PPM1H: variants seen among roughly 807,000 people sequenced by gnomAD.
The protein encoded by PPM1H is protein phosphatase, Mg2+/Mn2+ dependent 1H.
A neutral mutation model predicts 54.9 loss-of-function variants in PPM1H; 27 were observed. That is an observed-to-expected ratio of 0.49 (90% confidence interval 0.36 to 0.68). The LOEUF is 0.68. Among genes scored for constraint, PPM1H ranks in the 30% least tolerant of loss-of-function variants. The pLI is 0.00. For missense variants in PPM1H, 596 were observed against 667.8 expected, an observed-to-expected ratio of 0.89 and a Z score of 1.19; for synonymous variants, 305 against 270.8, an observed-to-expected ratio of 1.13 and a Z score of -1.24.
intron 1 of PPM1H, among the ~76,000 whole-genome samples, chr12:62,932,628 C>CTGTTTTTTTT (rs1872176806): frequency 5.6e-5 from 3 of 54,012 alleles, no homozygotes; most frequent in African/African-American, 7.0e-5. Flanking sequence ...TCCAAATGGG[C>CTGTTTTTTTT]TTTTTTTTTT....
At chr12:62,843,570 G>A (rs928524348) in intron 1 of PPM1H, among the ~76,000 whole-genome samples, 7 of 152,082 alleles carry the variant, frequency 4.6e-5, no homozygotes, top group African/African-American at 1.4e-4. Flanking sequence ...TTGCACAACA[G>A]ACTATAAATA....
Position 62,934,856 on chromosome 12 carries a change from A to ACGCGC in PPM1H, c.-125_-121dup. 9.7e-7 allele frequency: 1 copy of ACGCGC among 1,035,262 alleles called. No individual in the cohort carries two copies. Among genetic ancestry groups the ACGCGC allele is most frequent in the Non-Finnish European group, 1.2e-6 (1 of 811,388 alleles). 64.1% of individuals were successfully genotyped at this position (1,035,262 alleles called of 1,614,324 possible). A position where few individuals can be genotyped will look rare whatever the true frequency, so the allele number is the denominator to read the frequency against. On this transcript the variant is annotated 5_prime_UTR_variant, in exon 1 of 10. Coordinates refer to ENST00000228705, the MANE Select transcript of PPM1H (RefSeq NM_020700.2). This position sits in a 1 kb window ranked among gnomAD's most constrained non-coding sequence, Gnocchi z 4.2. ...GCGCACGGCGAGTCGGGCCACTGGG[A>ACGCGC]CGCGCCGCGCGCGGCTCCCAGAGCC... is the stretch of plus-strand genomic sequence containing the variant.
At chr12:62,673,972 C>T (rs966868199) in intron 8 of PPM1H, among the ~76,000 whole-genome samples, 1 of 151,850 alleles carries the variant, frequency 6.6e-6, no homozygotes, top group Non-Finnish European at 1.5e-5. Flanking sequence ...CCACCTTGGC[C>T]GTCCAAAGTG....
At chr12:62,667,917 G>A (rs1382026547) in intron 8 of PPM1H, among the ~76,000 whole-genome samples, 1 of 152,120 alleles carries the variant, frequency 6.6e-6, no homozygotes, top group African/African-American at 2.4e-5. Flanking sequence ...CCTGCTCTGA[G>A]GCCCAAGCAG....
chr12:62,927,922 T>C (rs923799470), intron 1 of PPM1H, among the ~76,000 whole-genome samples: 1 of 152,182 alleles, frequency 6.6e-6, no homozygotes, highest in South Asian at 2.1e-4. Context: ...TTTCCTATAA[T>C]GAGTATCTCA....
At chr12:62,705,408 G>A (rs2076167673) in intron 6 of PPM1H, among the ~76,000 whole-genome samples, 1 of 152,206 alleles carries the variant, frequency 6.6e-6, no homozygotes, top group Admixed American at 6.5e-5. Context: ...GCCGGGCACT[G>A]GCACAGGTGC....
At chr12:62,872,104 T>C (rs1178818076) in intron 1 of PPM1H, among the ~76,000 whole-genome samples, 1 of 152,232 alleles carries the variant, frequency 6.6e-6, no homozygotes, top group East Asian at 1.9e-4. Flanking sequence ...CTCATCAGAA[T>C]TTCTGAGATG....
intron 1 of PPM1H, among the ~76,000 whole-genome samples, chr12:62,837,810 TC>T (rs1255691992): frequency 6.6e-6 from 1 of 152,218 alleles, no homozygotes. Context: ...AAGGATGTTA[TC>T]CAGCCATGCG....
intron 5 of PPM1H, among the ~76,000 whole-genome samples, chr12:62,725,759 C>G (rs754136011): frequency 2.0e-5 from 3 of 152,094 alleles, no homozygotes; most frequent in Non-Finnish European, 4.4e-5. Context: ...TTGATGTTCA[C>G]ATATGTCCAG....
chr12:62,810,859 T>C (rs2076831100), intron 2 of PPM1H, among the ~76,000 whole-genome samples: 1 of 152,200 alleles, frequency 6.6e-6, no homozygotes, highest in South Asian at 2.1e-4. Context: ...GGCAAAATGG[T>C]GGCACAGACA....
intron 1 of PPM1H, among the ~76,000 whole-genome samples, chr12:62,854,737 A>G (rs10877922): frequency 0.39 from 58,818 of 151,906 alleles, 12,238 homozygotes; most frequent in East Asian, 0.57. Flanking sequence ...TTGAGAGAAT[A>G]TGCCTCTTAA....
intron 9 of PPM1H, among the ~76,000 whole-genome samples, chr12:62,651,994 CCTT>C (rs1400379278): frequency 1.3e-5 from 2 of 152,180 alleles, no homozygotes; most frequent in Non-Finnish European, 1.5e-5. Flanking sequence ...CTCTGATGCT[CCTT>C]CTTAATTTCC....
At chr12:62,841,473 T>A (rs1868747196) in intron 1 of PPM1H, among the ~76,000 whole-genome samples, 1 of 151,964 alleles carries the variant, frequency 6.6e-6, no homozygotes. Flanking sequence ...ATGGCAGAGT[T>A]ATTAGTAGTT....
intron 2 of PPM1H, among the ~76,000 whole-genome samples, chr12:62,830,537 G>C (rs1319138895): frequency 1.3e-5 from 2 of 152,150 alleles, no homozygotes; most frequent in African/African-American, 4.8e-5. Flanking sequence ...TTACAGGCGT[G>C]AGCCACCGCA....
At chr12:62,849,927 A>G (rs941701463) in intron 1 of PPM1H, among the ~76,000 whole-genome samples, 1 of 152,172 alleles carries the variant, frequency 6.6e-6, no homozygotes, top group Non-Finnish European at 1.5e-5. Context: ...GAAATTATAA[A>G]TAGCAATTTA....
At chr12:62,774,515 A>T (rs2076598392) in intron 4 of PPM1H, among the ~76,000 whole-genome samples, 2 of 151,966 alleles carry the variant, frequency 1.3e-5, no homozygotes, top group Non-Finnish European at 2.9e-5. Flanking sequence ...CTAATTTTTA[A>T]ATTTTTGGTA....
rs1403201102 is a variant in PPM1H at position 62,866,515 on chromosome 12, G to A, written c.246-34236C>T. 2.6e-5 allele frequency among the ~76,000 whole-genome samples: 4 copies of A among 152,086 alleles called. 1 individual carries two copies. The highest frequency in any genetic ancestry group is 4.1e-4 in the South Asian group (2 of 4,824). ...TTTGCTCTTTTGGATCATTCACCAC[G>A]AGGAAGTCAGCTACTATGTCATGAG... On this transcript the variant is annotated intron_variant, in intron 1 of 9. Transcript: ENST00000228705.
At chr12:62,883,989 G>A (rs760365375) in intron 1 of PPM1H, among the ~76,000 whole-genome samples, 3 of 152,006 alleles carry the variant, frequency 2.0e-5, no homozygotes, top group Non-Finnish European at 4.4e-5. Context: ...AGGCCCCTTC[G>A]ACAGAGATGA....
chr12:62,747,515 G>A (rs892042568), intron 4 of PPM1H, among the ~76,000 whole-genome samples: 1 of 152,188 alleles, frequency 6.6e-6, no homozygotes. Context: ...TGGGATGGCA[G>A]GCATGAATCA....
Sources: gnomAD v4.1 joint callset for allele counts (sites outside exome capture counted in the v4.1 genomes callset) on GRCh38, gnomAD v4.1.1 for gene constraint, Gnocchi (gnomAD v3.1) non-coding constraint, MANE v1.5 for transcripts, NCBI Gene and HGNC (gene_info 2026-07-23, HGNC 2026-07-21) for gene names.